Variants in LRP6 observed in about 807,000 individuals in gnomAD.
LRP6 encodes the protein low-density lipoprotein receptor-related protein 6.
Under a neutral mutation model 184.1 loss-of-function variants are expected in LRP6, and 43 were observed. That is an observed-to-expected ratio of 0.23 (90% CI 0.18 to 0.30). LRP6 has a LOEUF of 0.30. LRP6 is among the 10% of genes least tolerant of loss of function. The pLI, the probability that LRP6 is intolerant of heterozygous loss-of-function variation, is 1.00. For synonymous variants in LRP6, 719 were observed against 684.9 expected (o/e 1.05, Z -0.78); for missense variants, 1,571 against 2,005.3 (o/e 0.78, Z 4.14).
At chr12:12,130,343 G>A (rs540246340) in intron 19 of LRP6, among the ~76,000 whole-genome samples, 80 of 152,028 alleles carry the variant, frequency 5.3e-4, no homozygotes, top group African/African-American at 1.7e-3. Context: ...GCACCACCAC[G>A]CCTGGCTAAT....
chr12:12,216,014 AAAT>A (rs1029176316), intron 2 of LRP6, among the ~76,000 whole-genome samples: 23 of 152,054 alleles, frequency 1.5e-4, no homozygotes, highest in African/African-American at 2.7e-4. Context: ...CTGCCTCAAA[AAAT>A]AATAATAATA....
chr12:12,170,145 G>A (rs1193964335), intron 7 of LRP6, among the ~76,000 whole-genome samples: 1 of 152,130 alleles, frequency 6.6e-6, no homozygotes, highest in Non-Finnish European at 1.5e-5. Context: ...GACCAGCCTG[G>A]CCAACATGGT....
intron 2 of LRP6, among the ~76,000 whole-genome samples, chr12:12,218,476 C>CAATAATAATAAT (rs71435901): frequency 1.0e-4 from 14 of 140,020 alleles, no homozygotes; most frequent in East Asian, 4.1e-4. Flanking sequence ...GACCCTCTCT[C>CAATAATAATAAT]AATAATAATA....
intron 20 of LRP6, 87 bp from the exon 21 acceptor site, chr12:12,125,519 T>C: frequency 8.5e-7 from 1 of 1,175,486 alleles, no homozygotes; most frequent in Non-Finnish European, 1.2e-6. Context: ...GGATTACAAA[T>C]ATCAACAGTG....
chr12:12,249,399 AG>A (rs1865267117), intron 1 of LRP6: 2 of 865,984 alleles, frequency 2.3e-6, no homozygotes, highest in African/African-American at 1.6e-5. Context: ...AAACTCCCTC[AG>A]CCACCTCAAG....
At chr12:12,260,775 AG>A (rs1047817225) in intron 1 of LRP6, among the ~76,000 whole-genome samples, 2 of 152,242 alleles carry the variant, frequency 1.3e-5, no homozygotes, top group Non-Finnish European at 2.9e-5. Context: ...GCGGCAGAAG[AG>A]TTTAACTTGG....
Position 12,244,423 on chromosome 12 carries a change from G to T in LRP6, c.288C>A (p.Ser96=). The change falls in exon 2 of 23, where the codon TCC becomes TCA. Residue 96 remains serine (S), a synonymous_variant. Coordinates refer to ENST00000261349, the MANE Select transcript of LRP6 (RefSeq NM_002336.3). ...VQNVVVSGLL[S]PDGLACDWLG... ...GCCAATCACATGCCAGCCCATCGGG[G>T]GACAATAATCCAGAAACAACAACAT... is the stretch of plus-strand genomic sequence containing the variant. 6.2e-7 allele frequency: 1 copy of T among 1,614,064 alleles called. No individual in the cohort carries two copies. Among genetic ancestry groups the T allele is most frequent in the Non-Finnish European group, 8.5e-7 (1 of 1,180,014 alleles).
chr12:12,256,051 G>A (rs542917729), intron 1 of LRP6, among the ~76,000 whole-genome samples: 1 of 152,274 alleles, frequency 6.6e-6, no homozygotes, highest in Non-Finnish European at 1.5e-5. Flanking sequence ...TTACTGTCCA[G>A]AGTACAAACA....
chr12:12,145,624 C>CTTTTTTTTTTTT (rs1157764946), intron 15 of LRP6, among the ~76,000 whole-genome samples: 10 of 80,308 alleles, frequency 1.2e-4, no homozygotes, highest in Admixed American at 1.7e-4. Context: ...TTTTCTTTTT[C>CTTTTTTTTTTTT]TTTTTTTTTT....
At chr12:12,163,909 G>A (rs571068215) in intron 9 of LRP6, among the ~76,000 whole-genome samples, 19 of 152,278 alleles carry the variant, frequency 1.2e-4, no homozygotes, top group Non-Finnish European at 2.5e-4. Flanking sequence ...CGAAGCGGGC[G>A]GATCACGAGG....
intron 14 of LRP6, 137 bp from the exon 15 acceptor site, chr12:12,147,693 C>T (rs930232621): frequency 2.6e-5 from 19 of 736,682 alleles, no homozygotes; most frequent in Non-Finnish European, 4.3e-5. Flanking sequence ...ATTTTTTGAC[C>T]AGGCACAGTG....
intron 1 of LRP6, among the ~76,000 whole-genome samples, chr12:12,263,189 C>T (rs941328256): frequency 6.6e-5 from 10 of 150,996 alleles, no homozygotes; most frequent in African/African-American, 2.0e-4. Context: ...CGCTTGAACC[C>T]GGGAGGCGGA....
rs1949552181 is a variant in LRP6 at position 12,118,737 on chromosome 12, G to A, written c.*2389C>T. 1.3e-5 allele frequency: 2 copies of A among 152,160 alleles called. No individual in the cohort carries two copies. The highest frequency in any genetic ancestry group is 4.8e-5 in the African/African-American group (2 of 41,422). 9.4% of individuals were successfully genotyped at this position (152,160 alleles called of 1,614,324 possible). A position where few individuals can be genotyped will look rare whatever the true frequency, so the allele number is the denominator to read the frequency against. On this transcript the variant is annotated 3_prime_UTR_variant, in exon 23 of 23. Transcript: ENST00000261349. ...TTAAGAATCCATCTCATCTACCCCA[G>A]AAAGAGAACACTGAGATTAGGCTGA...
intron 1 of LRP6, among the ~76,000 whole-genome samples, chr12:12,263,752 T>C (rs1032585382): frequency 2.0e-5 from 3 of 151,512 alleles, no homozygotes; most frequent in African/African-American, 7.3e-5. Flanking sequence ...GAAGATCACA[T>C]GAACACAGGA....
Position 12,162,418 on chromosome 12 carries a change from G to A in LRP6, c.2054C>T (p.Thr685Ile). The change falls in exon 10 of 23, where the codon ACC becomes ATC. Residue 685 changes from threonine to isoleucine, a missense_variant and splice_region_variant. Coordinates refer to ENST00000261349, the MANE Select transcript of LRP6 (RefSeq NM_002336.3). ...GCCATTCATAAAGGCTCTGCTGATG[G>A]TCTGCAAAAGAACATTAACAACTAA... ...RIYWTDISLK[T>I]ISRAFMNGSA... The A allele has an allele frequency of 6.2e-7, 1 of 1,610,698 alleles. No individual in the cohort carries two copies. Among genetic ancestry groups the A allele is most frequent in the Non-Finnish European group, 8.5e-7 (1 of 1,176,842 alleles).
chr12:12,260,458 T>C (rs1204629565), intron 1 of LRP6, among the ~76,000 whole-genome samples: 1 of 152,064 alleles, frequency 6.6e-6, no homozygotes, highest in Non-Finnish European at 1.5e-5. Context: ...GTAAAAGTAT[T>C]TTATGGAGCT....
At chr12:12,230,537 A>T (rs1335070768) in intron 2 of LRP6, among the ~76,000 whole-genome samples, 1 of 152,194 alleles carries the variant, frequency 6.6e-6, no homozygotes, top group Admixed American at 6.5e-5. Context: ...TCTATACTAG[A>T]TCATAAATCA....
intron 17 of LRP6, among the ~76,000 whole-genome samples, chr12:12,132,543 T>C (rs967832976): frequency 6.6e-6 from 1 of 152,184 alleles, no homozygotes; most frequent in African/African-American, 2.4e-5. Flanking sequence ...TGGCTATCTT[T>C]GCACTGATGC....
intron 1 of LRP6, among the ~76,000 whole-genome samples, chr12:12,258,738 T>C (rs1865535447): frequency 1.3e-5 from 2 of 152,248 alleles, no homozygotes; most frequent in African/African-American, 2.4e-5. Flanking sequence ...TTGCAAAACA[T>C]AGTATCTTTA....
Sources: allele counts gnomAD v4.1 joint callset (sites outside exome capture counted in the v4.1 genomes callset), GRCh38; gene constraint gnomAD v4.1.1; transcripts MANE v1.5; gene names NCBI Gene and HGNC (gene_info 2026-07-23, HGNC 2026-07-21).